INSYN2B: variants seen among roughly 807,000 people sequenced by gnomAD.
INSYN2B encodes protein INSYN2B.
A neutral mutation model predicts 41.2 loss-of-function variants in INSYN2B; 16 were observed. The ratio of observed to expected loss-of-function variants is 0.39; its 90% CI spans 0.26 to 0.59. The LOEUF (loss-of-function observed/expected upper bound fraction) is 0.59. Among genes scored for constraint, INSYN2B ranks in the 20% least tolerant of loss-of-function variants. The pLI is 0.57. For synonymous variants in INSYN2B, 245 were observed against 244.4 expected, an observed-to-expected ratio of 1.00 and a Z score of -0.02; for missense variants, 608 against 646.4, an observed-to-expected ratio of 0.94 and a Z score of 0.64.
intron 1 of INSYN2B, among the ~76,000 whole-genome samples, chr5:169,951,820 G>T (rs976802412): frequency 6.6e-6 from 1 of 152,048 alleles, no homozygotes; most frequent in African/African-American, 2.4e-5. Flanking sequence ...ATCATTTTAT[G>T]GATGACAAAA....
intron 1 of INSYN2B, among the ~76,000 whole-genome samples, chr5:169,945,620 C>A (rs1413581109): frequency 1.3e-5 from 2 of 152,196 alleles, no homozygotes; most frequent in Non-Finnish European, 2.9e-5. Flanking sequence ...GAGCTCACAG[C>A]TACTAACTGG....
At chr5:169,934,081 A>T (rs1775879437) in intron 1 of INSYN2B, among the ~76,000 whole-genome samples, 1 of 152,202 alleles carries the variant, frequency 6.6e-6, no homozygotes, top group African/African-American at 2.4e-5. Context: ...TCACATTTGT[A>T]GCACACCTCA....
At position 169,966,298 on chromosome 5, in the gene INSYN2B, G is replaced by A. The variant is rs111762548; in HGVS notation, c.-919+13979C>T. 1.1e-4 allele frequency among the ~76,000 whole-genome samples: 16 copies of A among 152,200 alleles called. No homozygotes were observed. In the East Asian group the frequency reaches 2.3e-3, roughly 22 times the overall value. ...GTACAGTAAGATTATTTTGGGGGGC[G>A]GGGGTTGAGGAAATGGCATGACTCA... On this transcript the variant is annotated intron_variant, in intron 1 of 3. Coordinates refer to ENST00000377365, the MANE Select transcript of INSYN2B (RefSeq NM_001129891.3).
At chr5:169,922,018 ATTATT>A (rs1453966656) in intron 1 of INSYN2B, among the ~76,000 whole-genome samples, 1 of 152,164 alleles carries the variant, frequency 6.6e-6, no homozygotes, top group African/African-American at 2.4e-5. Flanking sequence ...CTGGGCAAAT[ATTATT>A]TTAAGAGCTT....
intron 1 of INSYN2B, among the ~76,000 whole-genome samples, chr5:169,936,027 G>T (rs1021325716): frequency 2.0e-4 from 31 of 152,232 alleles, no homozygotes; most frequent in African/African-American, 6.7e-4. Context: ...GCATGGCGGT[G>T]GGGGGAACAA....
At chr5:169,974,377 C>T (rs1382864479) in intron 1 of INSYN2B, among the ~76,000 whole-genome samples, 1 of 152,202 alleles carries the variant, frequency 6.6e-6, no homozygotes, top group Non-Finnish European at 1.5e-5. Flanking sequence ...TCTCTTTCTT[C>T]TGGTTTTTTC....
At chr5:169,869,052 G>C (rs1771774239) in intron 3 of INSYN2B, among the ~76,000 whole-genome samples, 1 of 152,184 alleles carries the variant, frequency 6.6e-6, no homozygotes, top group Non-Finnish European at 1.5e-5. Flanking sequence ...GTGCAGATGG[G>C]ATGCAATAGC....
rs147237758 is a variant in INSYN2B, at chr5:169,906,724, T to G, written c.-918-21908A>C. The stretch of plus-strand genomic sequence containing the variant: ...GACCAGTCATCTAAGCCCATTATCT[T>G]TCTGCCAAATCACAGGGAAGACCAT... On this transcript the variant is annotated intron_variant, in intron 1 of 3. Transcript: ENST00000377365. Among the ~76,000 whole-genome samples the G allele has an allele frequency of 2.0e-3, 308 of 152,284 alleles. 1 individual carries two copies. Among genetic ancestry groups the G allele is most frequent in the African/African-American group, 7.0e-3 (293 of 41,562 alleles).
At chr5:169,927,877 A>T (rs1581429815) in intron 1 of INSYN2B, among the ~76,000 whole-genome samples, 1 of 152,158 alleles carries the variant, frequency 6.6e-6, no homozygotes, top group African/African-American at 2.4e-5. Flanking sequence ...CGGCCTCCCA[A>T]AGTGCTGGGA....
Position 169,914,637 on chromosome 5 carries a change from A to C in INSYN2B, c.-918-29821T>G, listed in dbSNP as rs77841354. On this transcript the variant is annotated intron_variant, in intron 1 of 3. Transcript: ENST00000377365. ...GCATTTTAAGATCAAGAGTTTCCAC[A>C]TAGAAAACAACCTGGATTTCTGGCA... 4.7e-3 allele frequency among the ~76,000 whole-genome samples: 712 copies of C among 152,346 alleles called. 8 individuals carry two copies. The highest frequency in any genetic ancestry group is 0.038 in the East Asian group (196 of 5,186).
chr5:169,875,252 A>G (rs1277035247), intron 3 of INSYN2B: 1 of 456,664 alleles, frequency 2.2e-6, no homozygotes, highest in Admixed American at 2.3e-5. Context: ...GCGGATTCCC[A>G]TCCTCCACCC....
In INSYN2B at chr5:169,868,732, C is replaced by A. The variant is rs1015367759; in HGVS notation, c.1422-4273G>T. ...ATGAGTGCACCACTGCACTCCAGCCCAGGTGAGAGATTGAGTTGTCCCCAT... is the reference window on the plus strand; with the variant it reads ...ATGAGTGCACCACTGCACTCCAGCCAAGGTGAGAGATTGAGTTGTCCCCAT... On this transcript the variant is annotated intron_variant, in intron 3 of 3. Coordinates refer to ENST00000377365, the MANE Select transcript of INSYN2B (RefSeq NM_001129891.3). Among the ~76,000 whole-genome samples, 4 of 152,132 alleles carry A rather than the reference C, an allele frequency of 2.6e-5. No homozygotes were observed. In the East Asian group the frequency reaches 7.7e-4, roughly 29 times the overall value.
chr5:169,960,000 G>C (rs28560148), intron 1 of INSYN2B, among the ~76,000 whole-genome samples: 5,887 of 152,288 alleles, frequency 0.039, 370 homozygotes, highest in African/African-American at 0.13. Flanking sequence ...ACCATGTAAA[G>C]CTAGATCATC....
chr5:169,945,990 C>A (rs994852034), intron 1 of INSYN2B, among the ~76,000 whole-genome samples: 8 of 152,072 alleles, frequency 5.3e-5, no homozygotes, highest in Non-Finnish European at 1.0e-4. Flanking sequence ...GGTGCAACAC[C>A]CCGGTGCCAT....
In INSYN2B at chr5:169,883,632, TG is replaced by T; in HGVS notation, c.266del (p.Ala89GlufsTer63). 1 of 1,551,480 alleles carries T rather than the reference TG, an allele frequency of 6.4e-7. No individual in the cohort carries two copies. Among genetic ancestry groups the T allele is most frequent in the Non-Finnish European group, 8.7e-7 (1 of 1,146,866 alleles). ...GGATTGCAATGTTGCGAAAGCCCCC[TG>T]CCTTCTGGGACCTGGGGAAGGAGAG... The part of the protein sequence containing the change: ...YSLSFPRSQK[A>X]GGFRNIAIQT... On this transcript the variant is annotated frameshift_variant, in exon 2 of 4. Coordinates refer to ENST00000377365, the MANE Select transcript of INSYN2B (RefSeq NM_001129891.3). LOFTEE classifies it high-confidence loss of function.
intron 1 of INSYN2B, among the ~76,000 whole-genome samples, chr5:169,980,020 T>A (rs893274391): frequency 6.6e-6 from 1 of 152,196 alleles, no homozygotes. Flanking sequence ...TGTTTTTCTT[T>A]GCTTTTTTTC....
intron 1 of INSYN2B, among the ~76,000 whole-genome samples, chr5:169,939,464 T>C (rs550884026): frequency 1.3e-5 from 2 of 152,280 alleles, no homozygotes; most frequent in Non-Finnish European, 2.9e-5. Context: ...AGGAATACAC[T>C]CTAGACTGTG....
intron 1 of INSYN2B, among the ~76,000 whole-genome samples, chr5:169,967,717 T>C (rs1028684755): frequency 1.3e-5 from 2 of 151,752 alleles, no homozygotes; most frequent in African/African-American, 4.8e-5. Flanking sequence ...AAGCAGGGGG[T>C]GCGTTTAGGA....
intron 1 of INSYN2B, among the ~76,000 whole-genome samples, chr5:169,900,499 G>T (rs187225796): frequency 6.6e-6 from 1 of 152,296 alleles, no homozygotes; most frequent in Non-Finnish European, 1.5e-5. Flanking sequence ...GACCTTATTG[G>T]CCAAACAGAT....
Sources: gnomAD v4.1 joint callset for allele counts (sites outside exome capture counted in the v4.1 genomes callset) on GRCh38, gnomAD v4.1.1 for gene constraint, MANE v1.5 for transcripts, NCBI Gene and HGNC (gene_info 2026-07-23, HGNC 2026-07-21) for gene names.